The following TOM1L2 variants were observed in gnomAD, a reference collection of about 807,000 sequenced individuals.
The protein encoded by TOM1L2 is target of myb1 like 2 membrane trafficking protein, also known as TOM1-like protein 2.
In TOM1L2, 31 loss-of-function variants were observed where a neutral mutation model predicts 67.9. The ratio of observed to expected loss-of-function variants is 0.46; its 90% CI spans 0.34 to 0.62. The LOEUF (loss-of-function observed/expected upper bound fraction) is 0.62, where lower values mean the gene tolerates loss of function less well. TOM1L2 is among the 20% of genes least tolerant of loss of function. The probability of loss-of-function intolerance (pLI) is 0.01; values close to 1 mark genes in which losing one functional copy is unlikely to be tolerated. For missense variants in TOM1L2, 606 were observed against 663.5 expected, an observed-to-expected ratio of 0.91 and a Z score of 0.95; for synonymous variants, 256 against 254.0, an observed-to-expected ratio of 1.01 and a Z score of -0.07.
intron 7 of TOM1L2, among the ~76,000 whole-genome samples, chr17:17,878,587 A>C (rs1274583991): frequency 6.6e-6 from 1 of 152,230 alleles, no homozygotes; most frequent in East Asian, 1.9e-4. Flanking sequence ...GGCGGCAAGC[A>C]TGTGCCAGCA....
At chr17:17,891,760 T>C (rs898326721) in intron 4 of TOM1L2, among the ~76,000 whole-genome samples, 4 of 150,692 alleles carry the variant, frequency 2.7e-5, no homozygotes, top group East Asian at 2.0e-4. Context: ...GTGGGGTGTA[T>C]GAGGAAGGTA....
Position 17,847,389 on chromosome 17 carries a change from TG to T in TOM1L2, c.*245del. 1 of 552,450 alleles carries T rather than the reference TG, an allele frequency of 1.8e-6. No homozygotes were observed. The highest frequency in any genetic ancestry group is 3.2e-6 in the Non-Finnish European group (1 of 316,632). The allele number at this position is 552,450 out of a possible 1,614,324, so 34.2% of individuals were successfully genotyped here. On this transcript the variant is annotated 3_prime_UTR_variant, in exon 15 of 15. Coordinates refer to ENST00000379504, the MANE Select transcript of TOM1L2 (RefSeq NM_001082968.2). Reference sequence around the variant, plus strand: ...TGCCCGCTCTTCCTGGGAGGAAACATGGGCAGAGGGGCCCATGGTGGGAGGG... The same window carrying T: ...TGCCCGCTCTTCCTGGGAGGAAACATGGCAGAGGGGCCCATGGTGGGAGGG...
At chr17:17,861,784 G>A (rs891996341) in intron 11 of TOM1L2, 11 of 484,226 alleles carry the variant, frequency 2.3e-5, no homozygotes, top group African/African-American at 7.8e-5. Flanking sequence ...TAATCTCTGC[G>A]ATCTCAGATT....
At chr17:17,891,546 C>A (rs1160540362) in intron 4 of TOM1L2, among the ~76,000 whole-genome samples, 1 of 152,142 alleles carries the variant, frequency 6.6e-6, no homozygotes, top group Non-Finnish European at 1.5e-5. Context: ...CAGTGCAGTT[C>A]ACACCCCTTG....
chr17:17,894,166 G>C (rs1008297118), intron 3 of TOM1L2, among the ~76,000 whole-genome samples: 3 of 152,168 alleles, frequency 2.0e-5, no homozygotes, highest in Non-Finnish European at 2.9e-5. Flanking sequence ...TGGGCCTCTG[G>C]GTATAAGGCA....
chr17:17,877,045 G>T (rs1357464766), intron 7 of TOM1L2, among the ~76,000 whole-genome samples: 1 of 152,184 alleles, frequency 6.6e-6, no homozygotes, highest in Non-Finnish European at 1.5e-5. Flanking sequence ...CTCCTCAGGC[G>T]CTCCAGCTAC....
At chr17:17,857,663 T>C (rs1457548479) in intron 12 of TOM1L2, 5 of 977,084 alleles carry the variant, frequency 5.1e-6, no homozygotes, top group African/African-American at 1.6e-5. Context: ...GGCCTTGTAC[T>C]GTCTGATTCA....
intron 2 of TOM1L2, among the ~76,000 whole-genome samples, chr17:17,901,870 G>A (rs2038872675): frequency 6.6e-6 from 1 of 151,848 alleles, no homozygotes; most frequent in African/African-American, 2.4e-5. Context: ...GGTCTGAGGT[G>A]AGGCCTGGAA....
chr17:17,971,826 GGGGT>G (rs1473082577), intron 1 of TOM1L2, among the ~76,000 whole-genome samples: 1 of 152,240 alleles, frequency 6.6e-6, no homozygotes, highest in Admixed American at 6.5e-5. Context: ...TTGGGCCTCA[GGGGT>G]GCCTCCTGGC....
At chr17:17,865,052 G>T (rs1280796991) in intron 10 of TOM1L2, among the ~76,000 whole-genome samples, 1 of 152,226 alleles carries the variant, frequency 6.6e-6, no homozygotes, top group Middle Eastern at 3.2e-3. Flanking sequence ...TTATTTCAAT[G>T]TTATAATTTC....
intron 4 of TOM1L2, among the ~76,000 whole-genome samples, chr17:17,893,378 T>C (rs1423444805): frequency 1.3e-5 from 2 of 152,114 alleles, no homozygotes; most frequent in Non-Finnish European, 2.9e-5. Context: ...TACTCCAAGT[T>C]TTCTCAGAGG....
At chr17:17,952,367 CTTTA>C (rs2041238083) in intron 1 of TOM1L2, among the ~76,000 whole-genome samples, 1 of 92,768 alleles carries the variant, frequency 1.1e-5, no homozygotes, top group African/African-American at 3.7e-5. Flanking sequence ...GTAAGTGCTT[CTTTA>C]TTTTCTTTTT....
chr17:17,918,017 T>A (rs1179614716), intron 1 of TOM1L2, among the ~76,000 whole-genome samples: 5 of 152,190 alleles, frequency 3.3e-5, no homozygotes, highest in African/African-American at 4.8e-5. Context: ...GTCTTCTTTC[T>A]TCTTTAATTT....
chr17:17,882,533 A>C (rs2037777854), intron 6 of TOM1L2, among the ~76,000 whole-genome samples, 172 bp downstream of exon 6: 1 of 152,128 alleles, frequency 6.6e-6, no homozygotes, highest in African/African-American at 2.4e-5. Flanking sequence ...GCCTGACCAC[A>C]ATCCATCATG....
chr17:17,955,065 G>A (rs1794412171), intron 1 of TOM1L2, among the ~76,000 whole-genome samples: 1 of 152,188 alleles, frequency 6.6e-6, no homozygotes, highest in Admixed American at 6.5e-5. Context: ...TGTCAGAAAT[G>A]TGCCATCACA....
chr17:17,889,556 A>G (rs2038169786), intron 4 of TOM1L2, among the ~76,000 whole-genome samples: 1 of 152,206 alleles, frequency 6.6e-6, no homozygotes, highest in Admixed American at 6.5e-5. Flanking sequence ...GCTGGTAATC[A>G]GAGCCATGGG....
intron 12 of TOM1L2, among the ~76,000 whole-genome samples, chr17:17,860,829 G>A (rs2036515987): frequency 6.6e-6 from 1 of 152,206 alleles, no homozygotes; most frequent in Admixed American, 6.5e-5. Flanking sequence ...GGTTATGTTT[G>A]GGGAGGCCCA....
chr17:17,884,974 T>A (rs989118584), intron 4 of TOM1L2, among the ~76,000 whole-genome samples: 1 of 152,270 alleles, frequency 6.6e-6, no homozygotes, highest in African/African-American at 2.4e-5. Context: ...ATGGTGCTGC[T>A]GAGCGTGAAC....
rs564637967 is a variant in TOM1L2 at position 17,848,766 on chromosome 17, G to C, written c.1375+57C>G. On this transcript the variant is annotated intron_variant, in intron 14 of 14. Coordinates refer to ENST00000379504, the MANE Select transcript of TOM1L2 (RefSeq NM_001082968.2). ...TCCAAGATGATGGGGGCTGGCTCCT[G>C]TGCAGCCTGCACAGAGGCAACAAAA... 1.9e-6 allele frequency: 3 copies of C among 1,590,436 alleles called. No homozygotes were observed. The South Asian group carries it at 3.3e-5, about 18-fold the overall frequency.
Sources: gnomAD v4.1 joint callset for allele counts (sites outside exome capture counted in the v4.1 genomes callset) on GRCh38, gnomAD v4.1.1 for gene constraint, MANE v1.5 for transcripts, NCBI Gene and HGNC (gene_info 2026-07-23, HGNC 2026-07-21) for gene names.